The following NLRP2 variants were observed in gnomAD, a reference collection of about 807,000 sequenced individuals.
NLRP2 encodes NACHT, LRR and PYD domains-containing protein 2.
Under a neutral mutation model 97.2 loss-of-function variants are expected in NLRP2, and 107 were observed. That is an observed-to-expected ratio of 1.10 (90% CI 0.94 to 1.29). The LOEUF (loss-of-function observed/expected upper bound fraction) is 1.29, where lower values mean the gene tolerates loss of function less well. NLRP2 is among the 50% of genes most tolerant of loss of function. The probability of loss-of-function intolerance (pLI) is 0.00; values close to 1 mark genes in which losing one functional copy is unlikely to be tolerated. For missense variants in NLRP2, 1,495 were observed against 1,330.3 expected, an observed-to-expected ratio of 1.12 and a Z score of -1.93; for synonymous variants, 663 against 551.5, an observed-to-expected ratio of 1.20 and a Z score of -2.83.
Position 55,000,782 on chromosome 19 carries a change from G to A in NLRP2, c.3073G>A (p.Asp1025Asn), listed in dbSNP as rs1467652508. 1.9e-6 allele frequency: 3 copies of A among 1,613,542 alleles called. No individual in the cohort carries two copies. The Admixed American group carries it at 5.0e-5, about 27-fold the overall frequency. ...CAGGTTGAAAATCGATGACTTTAAT[G>A]ATGAACTCAATAAGCTGCTGGAAGA... ...TLRLKIDDFN[D>N]ELNKLLEEIE... The change falls in exon 13 of 13, where the codon GAT becomes AAT. Residue 1025 changes from aspartate (D) to asparagine (N), a missense_variant. Coordinates refer to ENST00000448584, the MANE Select transcript of NLRP2 (RefSeq NM_017852.5).
chr19:54,990,378 C>A, intron 9 of NLRP2, 124 bp from the exon 10 acceptor site: 1 of 1,119,934 alleles, frequency 8.9e-7, no homozygotes, highest in Non-Finnish European at 1.4e-6. Flanking sequence ...ATAGGATCAC[C>A]AGTGCATGAT....
chr19:54,997,010 C>T (rs1450653894), intron 11 of NLRP2, among the ~76,000 whole-genome samples: 1 of 152,110 alleles, frequency 6.6e-6, no homozygotes, highest in East Asian at 1.9e-4. Flanking sequence ...TGGGTTCAAG[C>T]GATTCTCCTG....
chr19:54,986,897 C>T (rs565389102), intron 8 of NLRP2, among the ~76,000 whole-genome samples: 1 of 150,670 alleles, frequency 6.6e-6, no homozygotes, highest in Admixed American at 6.6e-5. Context: ...TTTCTTTTTT[C>T]TTTTTGAGAT....
intron 10 of NLRP2, chr19:54,993,903 G>A (rs1654503): frequency 0.39 from 129,285 of 330,162 alleles, 26,334 homozygotes; most frequent in Middle Eastern, 0.48. Flanking sequence ...CTCCAACTTC[G>A]GCAGAGCATC....
intron 12 of NLRP2, among the ~76,000 whole-genome samples, chr19:54,999,527 T>C (rs1346409500): frequency 6.6e-6 from 1 of 152,038 alleles, no homozygotes; most frequent in Non-Finnish European, 1.5e-5. Flanking sequence ...GGTAAGCAGG[T>C]ATTAGAGCTA....
Position 54,983,288 on chromosome 19 carries a change from G to A in NLRP2, c.1590G>A (p.Trp530Ter). ...AAGAGGATAGGGACGGCCACACCTG[G>A]GACATTGGGGACGTACAGAAGCTGC... The part of the protein sequence containing the change: ...EEEEDRDGHT[W>*]DIGDVQKLLS... Residue 530 changes from tryptophan (W) to a stop codon, truncating the protein, a stop_gained, in exon 6 of 13, where the codon TGG becomes TGA. Coordinates refer to ENST00000448584, the MANE Select transcript of NLRP2 (RefSeq NM_017852.5). LOFTEE classifies it high-confidence loss of function. 6.2e-7 allele frequency: 1 copy of A among 1,614,142 alleles called. No homozygotes were observed. The highest frequency in any genetic ancestry group is 1.1e-5 in the South Asian group (1 of 91,082).
intron 7 of NLRP2, among the ~76,000 whole-genome samples, chr19:54,985,458 A>G (rs1346962762): frequency 6.6e-6 from 1 of 152,148 alleles, no homozygotes; most frequent in Non-Finnish European, 1.5e-5. Flanking sequence ...CAGACAGATC[A>G]CTTGAGGTCA....
chr19:54,995,723 TC>T (rs1414784562), intron 11 of NLRP2, among the ~76,000 whole-genome samples: 2 of 152,082 alleles, frequency 1.3e-5, no homozygotes, highest in African/African-American at 4.8e-5. Flanking sequence ...GAACCTGGAA[TC>T]CTATCTGGGA....
intron 8 of NLRP2, 55 bp downstream of exon 8, chr19:54,986,370 C>A: frequency 6.6e-7 from 1 of 1,521,070 alleles, no homozygotes; most frequent in Non-Finnish European, 9.1e-7. Flanking sequence ...CTACCACAAG[C>A]TTATGTGGCA....
At chr19:54,981,476 C>G in intron 4 of NLRP2, 141 bp from the exon 5 acceptor site, 3 of 681,150 alleles carry the variant, frequency 4.4e-6, no homozygotes, top group Non-Finnish European at 8.0e-6. Context: ...CCGGAAAACA[C>G]ATTTGTAGCT....
Position 54,982,945 on chromosome 19 carries a change from A to T in NLRP2, c.1247A>T (p.Glu416Val). The T allele has an allele frequency of 6.2e-7, 1 of 1,612,320 alleles. No homozygotes were observed. Among genetic ancestry groups the T allele is most frequent in the South Asian group, 1.1e-5 (1 of 91,010 alleles). ...TTLKLQMEKGEDPVPTCLTRT... is the reference protein window; with the variant it reads ...TTLKLQMEKGVDPVPTCLTRT... The stretch of plus-strand genomic sequence containing the variant: ...CTGAAGCTGCAGATGGAGAAGGGGG[A>T]GGACCCGGTCCCCACCTGCCTCACC... Residue 416 changes from glutamate (E) to valine (V), a missense_variant, in exon 6 of 13, where the codon GAG becomes GTG. Coordinates refer to ENST00000448584, the MANE Select transcript of NLRP2 (RefSeq NM_017852.5).
intron 4 of NLRP2, among the ~76,000 whole-genome samples, chr19:54,979,807 C>T (rs1207454964): frequency 2.0e-5 from 3 of 152,052 alleles, no homozygotes; most frequent in Non-Finnish European, 4.4e-5. Context: ...GATGGAGTCT[C>T]ACTCTGTTGC....
intron 1 of NLRP2, among the ~76,000 whole-genome samples, chr19:54,967,960 C>T (rs1336845428): frequency 1.4e-5 from 2 of 145,656 alleles, no homozygotes; most frequent in African/African-American, 2.5e-5. Flanking sequence ...GCTCTGTTTC[C>T]CAGGCTGGAG....
chr19:55,000,079 G>A (rs1475430148), intron 12 of NLRP2, among the ~76,000 whole-genome samples: 1 of 151,570 alleles, frequency 6.6e-6, no homozygotes, highest in Non-Finnish European at 1.5e-5. Flanking sequence ...ATCAAGCCAG[G>A]TACAGTTTAG....
intron 1 of NLRP2, among the ~76,000 whole-genome samples, chr19:54,968,291 C>T (rs1382862109): frequency 4.0e-5 from 6 of 151,796 alleles, no homozygotes; most frequent in Admixed American, 6.6e-5. Context: ...GAGTGATCAC[C>T]CACCTGAGCT....
chr19:54,984,793 A>G (rs1568506776), intron 6 of NLRP2, among the ~76,000 whole-genome samples: 1 of 151,960 alleles, frequency 6.6e-6, no homozygotes, highest in Non-Finnish European at 1.5e-5. Flanking sequence ...TATATTCTCT[A>G]TCTTTTATCA....
chr19:54,989,653 T>C (rs2072326068), intron 8 of NLRP2: 2 of 368,314 alleles, frequency 5.4e-6, no homozygotes, highest in African/African-American at 2.1e-5. Flanking sequence ...ACCAGTGAGA[T>C]GTAAACCAAA....
At chr19:54,992,202 T>C (rs2072520545) in intron 10 of NLRP2, among the ~76,000 whole-genome samples, 1 of 151,982 alleles carries the variant, frequency 6.6e-6, no homozygotes, top group Non-Finnish European at 1.5e-5. Flanking sequence ...CATGAGCCAC[T>C]GCGTCCAGCC....
chr19:54,988,088 C>G (rs1326986508), intron 8 of NLRP2, among the ~76,000 whole-genome samples: 1 of 152,122 alleles, frequency 6.6e-6, no homozygotes, highest in East Asian at 1.9e-4. Flanking sequence ...CTGATACAAT[C>G]TTAGGCTGCT....
Sources: gnomAD v4.1 joint callset for allele counts (sites outside exome capture counted in the v4.1 genomes callset) on GRCh38, gnomAD v4.1.1 for gene constraint, MANE v1.5 for transcripts, NCBI Gene and HGNC (gene_info 2026-07-23, HGNC 2026-07-21) for gene names.